The following ZNF407 variants were observed in gnomAD, a reference collection of about 807,000 sequenced individuals.
ZNF407 encodes the protein zinc finger protein 407.
ZNF407 carries 17 observed loss-of-function variants against 131.2 expected under a neutral mutation model. The ratio of observed to expected loss-of-function variants is 0.13; its 90% CI spans 0.09 to 0.19. The LOEUF is 0.19. ZNF407 is among the 10% of genes least tolerant of loss of function. The probability of loss-of-function intolerance (pLI) is 1.00; values close to 1 mark genes in which losing one functional copy is unlikely to be tolerated. For missense variants in ZNF407, 2,681 were observed against 2,830.6 expected (o/e 0.95, Z 1.20); for synonymous variants, 1,156 against 1,062.0 (o/e 1.09, Z -1.72).
intron 8 of ZNF407, among the ~76,000 whole-genome samples, chr18:74,940,241 A>G (rs1023893137): frequency 4.6e-5 from 7 of 152,214 alleles, no homozygotes; most frequent in Admixed American, 1.3e-4. Flanking sequence ...CCAGTAGAGC[A>G]TGAGATGACA....
intron 3 of ZNF407, among the ~76,000 whole-genome samples, chr18:74,727,669 C>T (rs1454675430): frequency 2.0e-5 from 3 of 152,184 alleles, no homozygotes; most frequent in Non-Finnish European, 2.9e-5. Context: ...GAACCTTCCC[C>T]GAATATATGT....
intron 1 of ZNF407, among the ~76,000 whole-genome samples, chr18:74,604,615 C>T (rs1359046406): frequency 6.6e-6 from 1 of 152,210 alleles, no homozygotes; most frequent in Non-Finnish European, 1.5e-5. Context: ...AAATCTCATG[C>T]CCCATAGGGA....
intron 3 of ZNF407, among the ~76,000 whole-genome samples, chr18:74,775,639 T>C (rs1040350078): frequency 2.6e-5 from 4 of 152,188 alleles, no homozygotes; most frequent in African/African-American, 9.6e-5. Context: ...CCCTCCAAAA[T>C]TCCCATGTTG....
chr18:74,690,429 A>G (rs1375785955), intron 3 of ZNF407, among the ~76,000 whole-genome samples: 1 of 142,224 alleles, frequency 7.0e-6, no homozygotes, highest in Non-Finnish European at 1.6e-5. Flanking sequence ...CAGCTGGATT[A>G]GTTTTTTTTT....
At position 74,948,934 on chromosome 18, in the gene ZNF407, A is replaced by G. The variant is rs187219051; in HGVS notation, c.5428+28242A>G. On this transcript the variant is annotated intron_variant, in intron 8 of 8. Transcript: ENST00000299687. ...TTTTATATAAAGGTTTCATTTCAGT[A>G]TGCAAATTAGACAGCACACTAGTGT... Among the ~76,000 whole-genome samples the G allele has an allele frequency of 6.1e-4, 93 of 152,330 alleles. 1 individual carries two copies. Among genetic ancestry groups the G allele is most frequent in the Non-Finnish European group, 1.1e-3 (76 of 68,034 alleles).
intron 3 of ZNF407, among the ~76,000 whole-genome samples, chr18:74,690,869 G>A (rs1050670929): frequency 2.0e-5 from 3 of 152,100 alleles, no homozygotes; most frequent in African/African-American, 7.2e-5. Flanking sequence ...ACCTTGAGAA[G>A]GAATCTCATA....
chr18:74,969,883 C>T (rs924152419), intron 8 of ZNF407, among the ~76,000 whole-genome samples: 2 of 152,204 alleles, frequency 1.3e-5, no homozygotes, highest in African/African-American at 4.8e-5. Flanking sequence ...AACTGTTCCA[C>T]TCCCTTCCTT....
chr18:74,678,116 C>T (rs1050063488), intron 3 of ZNF407, among the ~76,000 whole-genome samples: 3 of 152,176 alleles, frequency 2.0e-5, no homozygotes, highest in Non-Finnish European at 2.9e-5. Flanking sequence ...CCACTGCACT[C>T]GGCCTCGTTA....
intron 8 of ZNF407, among the ~76,000 whole-genome samples, chr18:75,022,395 C>G (rs1210465890): frequency 2.0e-5 from 3 of 152,194 alleles, no homozygotes; most frequent in Non-Finnish European, 4.4e-5. Flanking sequence ...CTTTGACTGT[C>G]ATTCACCTGT....
chr18:74,847,858 A>G (rs1362965797), intron 4 of ZNF407, among the ~76,000 whole-genome samples: 7 of 152,144 alleles, frequency 4.6e-5, no homozygotes, highest in African/African-American at 1.7e-4. Context: ...AATACAAAAA[A>G]AAAAAAACAC....
At chr18:74,910,590 T>G (rs1372707173) in intron 7 of ZNF407, among the ~76,000 whole-genome samples, 2 of 152,328 alleles carry the variant, frequency 1.3e-5, no homozygotes, top group East Asian at 3.9e-4. Flanking sequence ...TTGTGAAGCC[T>G]CTTTAACTTA....
At chr18:75,036,336 A>G (rs984816322) in intron 8 of ZNF407, among the ~76,000 whole-genome samples, 7 of 152,070 alleles carry the variant, frequency 4.6e-5, no homozygotes, top group Admixed American at 3.3e-4. Flanking sequence ...TGATTTAGGG[A>G]TGGAGGGAAG....
At chr18:74,766,836 CAT>C (rs2144988634) in intron 3 of ZNF407, among the ~76,000 whole-genome samples, 1 of 152,258 alleles carries the variant, frequency 6.6e-6, no homozygotes, top group Non-Finnish European at 1.5e-5. Flanking sequence ...ATCGTTAACA[CAT>C]ATTATTTTAG....
chr18:74,809,034 C>T (rs1970155744), intron 4 of ZNF407, among the ~76,000 whole-genome samples: 1 of 152,124 alleles, frequency 6.6e-6, no homozygotes, highest in South Asian at 2.1e-4. Flanking sequence ...CTTTTTCTTA[C>T]CTCGCATAGT....
chr18:74,660,451 G>C (rs979205741), intron 3 of ZNF407, among the ~76,000 whole-genome samples: 3 of 152,066 alleles, frequency 2.0e-5, no homozygotes, highest in Non-Finnish European at 2.9e-5. Flanking sequence ...CTCACGTCCT[G>C]TCATGTCGTA....
chr18:75,021,049 A>C (rs1288642003), intron 8 of ZNF407, among the ~76,000 whole-genome samples: 2 of 152,104 alleles, frequency 1.3e-5, no homozygotes, highest in African/African-American at 4.8e-5. Context: ...GGTAGATACC[A>C]TCCTCCCCTT....
intron 3 of ZNF407, among the ~76,000 whole-genome samples, chr18:74,706,698 T>C (rs1477688346): frequency 2.0e-5 from 3 of 152,012 alleles, no homozygotes; most frequent in African/African-American, 7.2e-5. Context: ...AGCAAAGGGA[T>C]TGAGAGTGAT....
intron 4 of ZNF407, among the ~76,000 whole-genome samples, chr18:74,841,295 C>T (rs1421558976): frequency 6.6e-6 from 1 of 152,154 alleles, no homozygotes; most frequent in Non-Finnish European, 1.5e-5. Flanking sequence ...TGAGCAAGCC[C>T]TGCATATTAG....
intron 3 of ZNF407, among the ~76,000 whole-genome samples, chr18:74,732,983 A>G (rs1013376209): frequency 8.5e-5 from 13 of 152,200 alleles, no homozygotes; most frequent in Non-Finnish European, 7.3e-5. Context: ...GAAGCAGTCT[A>G]AAAGTTAAAT....
Sources: allele counts gnomAD v4.1 joint callset (sites outside exome capture counted in the v4.1 genomes callset), GRCh38; gene constraint gnomAD v4.1.1; transcripts MANE v1.5; gene names NCBI Gene and HGNC (gene_info 2026-07-23, HGNC 2026-07-21).